Variants in ITGB6 observed in about 807,000 individuals in gnomAD.
ITGB6 encodes integrin beta-6.
In ITGB6, 80 loss-of-function variants were observed where a neutral mutation model predicts 84.5. The ratio of observed to expected loss-of-function variants is 0.95; its 90% CI spans 0.79 to 1.14. The LOEUF (loss-of-function observed/expected upper bound fraction) is 1.14, where lower values mean the gene tolerates loss of function less well. Ranked by LOEUF, ITGB6 falls within the 50% of genes most tolerant of loss-of-function variation. The pLI is 0.00. For missense variants in ITGB6, 1,006 were observed against 968.0 expected, an observed-to-expected ratio of 1.04 and a Z score of -0.52; for synonymous variants, 383 against 354.9, an observed-to-expected ratio of 1.08 and a Z score of -0.89.
intron 12 of ITGB6, among the ~76,000 whole-genome samples, chr2:160,123,010 A>C (rs1371455350): frequency 6.6e-6 from 1 of 152,204 alleles, no homozygotes; most frequent in Non-Finnish European, 1.5e-5. Context: ...GGATGATACC[A>C]AATTAAATTC....
At chr2:160,132,216 G>T (rs936826017) in intron 10 of ITGB6, among the ~76,000 whole-genome samples, 10 of 152,036 alleles carry the variant, frequency 6.6e-5, no homozygotes, top group African/African-American at 2.4e-4. Flanking sequence ...TGTGAAAAGA[G>T]GACTGATGTG....
At position 160,196,106 on chromosome 2, in the gene ITGB6, C is replaced by T. The variant is rs763650519; in HGVS notation, c.346+110G>A. The T allele has an allele frequency of 2.9e-5, 27 of 917,718 alleles. No homozygotes were observed. In the East Asian group the frequency reaches 5.0e-4, roughly 17 times the overall value. 56.8% of individuals were successfully genotyped at this position (917,718 alleles called of 1,614,324 possible). On this transcript the variant is annotated intron_variant, in intron 3 of 14. Transcript: ENST00000283249. The stretch of plus-strand genomic sequence containing the variant: ...TCTATTTCCTTAAGAATGGGAAATT[C>T]GAGTCATAATAATCAATGATATGTA...
chr2:160,179,623 C>T (rs1282142406), intron 4 of ITGB6, among the ~76,000 whole-genome samples: 1 of 150,442 alleles, frequency 6.6e-6, no homozygotes, highest in Non-Finnish European at 1.5e-5. Context: ...AAACTCTTGA[C>T]CTCAGGTGAT....
At chr2:160,143,535 A>T (rs561914440) in intron 7 of ITGB6, among the ~76,000 whole-genome samples, 1 of 152,166 alleles carries the variant, frequency 6.6e-6, no homozygotes, top group Non-Finnish European at 1.5e-5. Flanking sequence ...ATACTGTACT[A>T]TGTCAACAAC....
intron 7 of ITGB6, among the ~76,000 whole-genome samples, chr2:160,160,034 G>C (rs1684761232): frequency 6.6e-6 from 1 of 152,106 alleles, no homozygotes; most frequent in Non-Finnish European, 1.5e-5. Flanking sequence ...ATGAATGAAC[G>C]AAGGCAGGGA....
chr2:160,104,837 C>T (rs529973919), intron 14 of ITGB6, among the ~76,000 whole-genome samples: 43 of 152,246 alleles, frequency 2.8e-4, no homozygotes, highest in South Asian at 1.7e-3. Flanking sequence ...AAAAGATAAC[C>T]TTTCTTTACA....
At chr2:160,179,443 C>T (rs1458033516) in intron 4 of ITGB6, among the ~76,000 whole-genome samples, 2 of 143,562 alleles carry the variant, frequency 1.4e-5, no homozygotes, top group Admixed American at 7.2e-5. Flanking sequence ...GGCTGGAATG[C>T]GGTGGTGCCA....
chr2:160,130,886 T>C (rs1367491922), intron 10 of ITGB6, among the ~76,000 whole-genome samples: 1 of 152,204 alleles, frequency 6.6e-6, no homozygotes, highest in African/African-American at 2.4e-5. Context: ...TAGGAAGTAC[T>C]TGGCAGAAAT....
Position 160,142,036 on chromosome 2 carries a change from A to T in ITGB6, c.1053T>A (p.Gly351=). ...YAKLIPGATV[G]LLQKDSGNIL... ...TGTTTCCGGAGTCCTTCTGAAGTAG[A>T]CCTACTGTAGCTCCAGGAATAAGTT... Residue 351 remains glycine, a synonymous_variant, in exon 8 of 15, where the codon GGT becomes GGA. Coordinates refer to ENST00000283249, the MANE Select transcript of ITGB6 (RefSeq NM_000888.5). 6.2e-7 allele frequency: 1 copy of T among 1,609,102 alleles called. No homozygotes were observed.
intron 7 of ITGB6, among the ~76,000 whole-genome samples, chr2:160,153,165 T>C (rs1382417713): frequency 6.6e-6 from 1 of 152,104 alleles, no homozygotes; most frequent in East Asian, 1.9e-4. Flanking sequence ...GCTGGAGAGA[T>C]CACGCTACCT....
At chr2:160,143,362 A>C (rs1684072075) in intron 7 of ITGB6, among the ~76,000 whole-genome samples, 1 of 152,210 alleles carries the variant, frequency 6.6e-6, no homozygotes, top group South Asian at 2.1e-4. Context: ...CGGAGAGGTC[A>C]CACCCATACC....
chr2:160,137,394 T>C, intron 10 of ITGB6, 40 bp downstream of exon 10: 4 of 1,564,990 alleles, frequency 2.6e-6, no homozygotes, highest in Non-Finnish European at 3.5e-6. Flanking sequence ...TGCTGATACT[T>C]GAGCAGCCAC....
chr2:160,189,022 A>T (rs1005372914), intron 4 of ITGB6, among the ~76,000 whole-genome samples: 27 of 152,174 alleles, frequency 1.8e-4, no homozygotes, highest in African/African-American at 6.3e-4. Context: ...CCAATGGAAC[A>T]GAACAGAGCC....
rs1428762726 is a variant in ITGB6, at chr2:160,169,876, AT to A, written c.922-570del. On this transcript the variant is annotated intron_variant, in intron 6 of 14. Coordinates refer to ENST00000283249, the MANE Select transcript of ITGB6 (RefSeq NM_000888.5). ...AGTTGGTTGCATGGAATCGTGCAAT[AT>A]TTTTACAGGACAATTGAAAACTACA... 3.9e-5 allele frequency among the ~76,000 whole-genome samples: 6 copies of A among 152,206 alleles called. 1 individual carries two copies. The highest frequency in any genetic ancestry group is 5.9e-5 in the Non-Finnish European group (4 of 68,038).
intron 7 of ITGB6, among the ~76,000 whole-genome samples, chr2:160,165,620 T>C (rs1463814234): frequency 6.6e-6 from 1 of 152,230 alleles, no homozygotes; most frequent in Non-Finnish European, 1.5e-5. Flanking sequence ...GAAACTTACG[T>C]ATGGTGGATA....
At chr2:160,145,976 G>A (rs1015799619) in intron 7 of ITGB6, among the ~76,000 whole-genome samples, 2 of 152,056 alleles carry the variant, frequency 1.3e-5, no homozygotes, top group Non-Finnish European at 2.9e-5. Flanking sequence ...ACCTTGATTT[G>A]GTTTCTGCTT....
chr2:160,141,945 G>T, intron 8 of ITGB6, 37 bp downstream of exon 8: 1 of 1,321,098 alleles, frequency 7.6e-7, no homozygotes, highest in Non-Finnish European at 1.1e-6. Flanking sequence ...GAATACCAAA[G>T]AAATGCAAAA....
At position 160,133,580 on chromosome 2, in the gene ITGB6, A is replaced by G. The variant is rs537471197; in HGVS notation, c.1660+3854T>C. On this transcript the variant is annotated intron_variant, in intron 10 of 14. Transcript: ENST00000283249. ...CTAATAGACATCTACAGAACTCTCC[A>G]CCCCAAATCAACAGAATATACATTC... 3.9e-5 allele frequency among the ~76,000 whole-genome samples: 6 copies of G among 152,250 alleles called. No homozygotes were observed. In the South Asian group the frequency reaches 1.2e-3, roughly 32 times the overall value.
chr2:160,148,429 A>G (rs1684279414), intron 7 of ITGB6, among the ~76,000 whole-genome samples: 1 of 152,236 alleles, frequency 6.6e-6, no homozygotes, highest in Non-Finnish European at 1.5e-5. Context: ...AACACTTACT[A>G]TATGATCCAG....
Sources: allele counts gnomAD v4.1 joint callset (sites outside exome capture counted in the v4.1 genomes callset), GRCh38; gene constraint gnomAD v4.1.1; transcripts MANE v1.5; gene names NCBI Gene and HGNC (gene_info 2026-07-23, HGNC 2026-07-21).